Variants in IGF2BP3 observed in about 807,000 individuals in gnomAD.
IGF2BP3 encodes the protein insulin like growth factor 2 mRNA binding protein 3, also known as insulin-like growth factor 2 mRNA-binding protein 3.
Under a neutral mutation model 73.8 loss-of-function variants are expected in IGF2BP3, and 9 were observed. The ratio of observed to expected loss-of-function variants is 0.12; its 90% confidence interval spans 0.07 to 0.21. IGF2BP3 has a LOEUF of 0.21. IGF2BP3 is among the 10% of genes least tolerant of loss of function. IGF2BP3 has a pLI of 1.00. For missense variants in IGF2BP3, 542 were observed against 714.0 expected, an observed-to-expected ratio of 0.76 and a Z score of 2.75; for synonymous variants, 258 against 256.7, an observed-to-expected ratio of 1.01 and a Z score of -0.05.
At chr7:23,461,078 G>A (rs945033169) in intron 2 of IGF2BP3, among the ~76,000 whole-genome samples, 1 of 151,968 alleles carries the variant, frequency 6.6e-6, no homozygotes, top group African/African-American at 2.4e-5. Flanking sequence ...AGCAGAGCCA[G>A]GCCGAGATTT....
At chr7:23,361,634 TTTTC>T in intron 4 of IGF2BP3, 37 bp from the exon 5 acceptor site, 1 of 1,613,314 alleles carries the variant, frequency 6.2e-7, no homozygotes, top group Non-Finnish European at 8.5e-7. Flanking sequence ...TAAAAGTTAG[TTTTC>T]TTTCTACTTC....
rs984086266 is a variant in IGF2BP3 at position 23,350,132 on chromosome 7, T to TA, written c.683+1172dup. Among the ~76,000 whole-genome samples the TA allele has an allele frequency of 1.7e-4, 26 of 152,038 alleles. 1 individual carries two copies. Among genetic ancestry groups the TA allele is most frequent in the African/African-American group, 5.5e-4 (23 of 41,460 alleles). On this transcript the variant is annotated intron_variant, in intron 6 of 14. Transcript: ENST00000258729. ...CACTCAGTACAGTTCTTTTTGGTTC[T>TA]ACATGAGAAATGGGTCAGCTAGTCC...
chr7:23,442,059 A>G (rs1046899392), intron 2 of IGF2BP3, among the ~76,000 whole-genome samples: 1 of 152,132 alleles, frequency 6.6e-6, no homozygotes, highest in Non-Finnish European at 1.5e-5. Context: ...CCTGGGAGGC[A>G]GAGGCTGCAG....
chr7:23,455,780 G>A (rs926269490), intron 2 of IGF2BP3, among the ~76,000 whole-genome samples: 8 of 152,218 alleles, frequency 5.3e-5, no homozygotes, highest in Middle Eastern at 6.8e-3. Flanking sequence ...CCGCCTCCCG[G>A]ATTCGAGCCA....
chr7:23,327,427 C>T (rs946663203), intron 10 of IGF2BP3, among the ~76,000 whole-genome samples: 4 of 151,836 alleles, frequency 2.6e-5, no homozygotes, highest in African/African-American at 9.7e-5. Context: ...ACTACAGGCG[C>T]CCACCATCAC....
intron 3 of IGF2BP3, among the ~76,000 whole-genome samples, chr7:23,395,768 A>T (rs1364626018): frequency 6.6e-6 from 1 of 151,934 alleles, no homozygotes; most frequent in Non-Finnish European, 1.5e-5. Flanking sequence ...TTTACTAAAA[A>T]TACAACAATT....
intron 3 of IGF2BP3, among the ~76,000 whole-genome samples, chr7:23,395,603 AC>A (rs980828370): frequency 1.4e-5 from 2 of 146,448 alleles, no homozygotes; most frequent in African/African-American, 2.5e-5. Flanking sequence ...CTCTACCCCC[AC>A]CCCCCCAAAA....
rs576619697 is a variant in IGF2BP3 at position 23,432,940 on chromosome 7, T to A, written c.237-14116A>T. 3.3e-5 allele frequency among the ~76,000 whole-genome samples: 5 copies of A among 152,226 alleles called. No individual in the cohort carries two copies. In the South Asian group the frequency reaches 1.0e-3, roughly 31 times the overall value. On this transcript the variant is annotated intron_variant, in intron 2 of 14. Coordinates refer to ENST00000258729, the MANE Select transcript of IGF2BP3 (RefSeq NM_006547.3). ...AGCCACTGCGCCCAGCCTGTATATGTGCCTTTAAACTAAAAAGTCACCACC... is the reference window on the plus strand; with the variant it reads ...AGCCACTGCGCCCAGCCTGTATATGAGCCTTTAAACTAAAAAGTCACCACC...
At chr7:23,409,419 G>A (rs559020855) in intron 3 of IGF2BP3, among the ~76,000 whole-genome samples, 46 of 152,154 alleles carry the variant, frequency 3.0e-4, no homozygotes, top group African/African-American at 1.0e-3. Context: ...AAATACACGT[G>A]GAAAAGCAAA....
chr7:23,315,913 T>C (rs1783976933), intron 12 of IGF2BP3, among the ~76,000 whole-genome samples: 1 of 152,254 alleles, frequency 6.6e-6, no homozygotes, highest in Non-Finnish European at 1.5e-5. Flanking sequence ...ACATGAGTTT[T>C]ATTAGTGAAT....
At chr7:23,369,269 G>C (rs139000298) in intron 3 of IGF2BP3, among the ~76,000 whole-genome samples, 1 of 152,174 alleles carries the variant, frequency 6.6e-6, no homozygotes, top group Non-Finnish European at 1.5e-5. Context: ...TTAAGAAGTG[G>C]ACACCACATG....
chr7:23,346,717 C>G (rs867317691), intron 7 of IGF2BP3, among the ~76,000 whole-genome samples: 3 of 152,010 alleles, frequency 2.0e-5, no homozygotes, highest in South Asian at 4.2e-4. Flanking sequence ...CTCAGCCTCC[C>G]AAGTGGCTGG....
At chr7:23,412,019 G>A (rs537284964) in intron 3 of IGF2BP3, among the ~76,000 whole-genome samples, 23 of 115,214 alleles carry the variant, frequency 2.0e-4, no homozygotes, top group African/African-American at 7.5e-4. Context: ...GTAGAGTCTC[G>A]CCTGCCGCCC....
rs148853978 is a variant in IGF2BP3 at position 23,334,316 on chromosome 7, C to T, written c.1203+7748G>A. Among the ~76,000 whole-genome samples, 91 of 152,116 alleles carry T rather than the reference C, an allele frequency of 6.0e-4. No homozygotes were observed. The East Asian group carries it at 0.012, about 20-fold the overall frequency. On this transcript the variant is annotated intron_variant, in intron 10 of 14. Transcript: ENST00000258729. ...GCACTCCAGAGCCTGGGCAACAGAG[C>T]GAGACTCTGTCTCAAAAAATAAAAA...
intron 2 of IGF2BP3, among the ~76,000 whole-genome samples, chr7:23,455,689 T>TTAC (rs200742317): frequency 7.7e-6 from 1 of 130,562 alleles, no homozygotes; most frequent in African/African-American, 2.9e-5. Context: ...GACAAGGGTC[T>TTAC]TACTATTTTT....
chr7:23,320,947 C>CAAAAAAAAA (rs70966008), intron 10 of IGF2BP3, among the ~76,000 whole-genome samples: 3 of 96,518 alleles, frequency 3.1e-5, no homozygotes, highest in African/African-American at 1.0e-4. Flanking sequence ...AACTCTGTCT[C>CAAAAAAAAA]AAAAAAAAAA....
At chr7:23,436,406 A>G (rs1787809175) in intron 2 of IGF2BP3, among the ~76,000 whole-genome samples, 1 of 152,208 alleles carries the variant, frequency 6.6e-6, no homozygotes, top group Non-Finnish European at 1.5e-5. Flanking sequence ...AATCAAAGCC[A>G]GTCATCATTT....
chr7:23,415,359 C>G (rs970234024), intron 3 of IGF2BP3: 1 of 230,202 alleles, frequency 4.3e-6, no homozygotes, highest in Non-Finnish European at 8.7e-6. Context: ...GTCCATCAGT[C>G]GGCATCACCG....
At chr7:23,397,416 G>C (rs1011404090) in intron 3 of IGF2BP3, among the ~76,000 whole-genome samples, 7 of 152,220 alleles carry the variant, frequency 4.6e-5, no homozygotes, top group African/African-American at 1.7e-4. Flanking sequence ...GCCTGAGACA[G>C]GAGCCATGAA....
Sources: gnomAD v4.1 joint callset for allele counts (sites outside exome capture counted in the v4.1 genomes callset) on GRCh38, gnomAD v4.1.1 for gene constraint, MANE v1.5 for transcripts, NCBI Gene and HGNC (gene_info 2026-07-23, HGNC 2026-07-21) for gene names.